HS3ST4: variants seen among roughly 807,000 people sequenced by gnomAD.
HS3ST4 encodes the protein heparan sulfate-glucosamine 3-sulfotransferase 4, also known as heparan sulfate glucosamine 3-O-sulfotransferase 4.
Under a neutral mutation model 29.2 loss-of-function variants are expected in HS3ST4, and 17 were observed. The observed-to-expected ratio is 0.58, with a 90% CI of 0.40 to 0.87. HS3ST4 has a LOEUF of 0.87. Ranked by LOEUF, HS3ST4 falls within the 40% of genes least tolerant of loss-of-function variation. HS3ST4 has a pLI of 0.00. For synonymous variants in HS3ST4, 314 were observed against 285.7 expected, an observed-to-expected ratio of 1.10 and a Z score of -1.00; for missense variants, 627 against 634.5, an observed-to-expected ratio of 0.99 and a Z score of 0.13.
chr16:25,782,208 C>A (rs140791293), intron 1 of HS3ST4, among the ~76,000 whole-genome samples: 2 of 152,134 alleles, frequency 1.3e-5, no homozygotes, highest in Non-Finnish European at 2.9e-5. Flanking sequence ...CATGGGAAAC[C>A]GCCCCCATAA....
At chr16:25,878,428 T>G (rs184525236) in intron 1 of HS3ST4, among the ~76,000 whole-genome samples, 3 of 152,310 alleles carry the variant, frequency 2.0e-5, no homozygotes, top group Admixed American at 6.5e-5. Flanking sequence ...TGCTAGTATC[T>G]ATCAGAATGG....
intron 1 of HS3ST4, among the ~76,000 whole-genome samples, chr16:25,903,609 A>G (rs1193049109): frequency 6.6e-6 from 1 of 152,066 alleles, no homozygotes; most frequent in East Asian, 1.9e-4. Context: ...GATTGAGCAT[A>G]CTTGTCCACA....
chr16:25,811,691 C>G (rs962210705), intron 1 of HS3ST4, among the ~76,000 whole-genome samples: 1 of 152,248 alleles, frequency 6.6e-6, no homozygotes, highest in Admixed American at 6.5e-5. Flanking sequence ...CCTCGGCCTC[C>G]CAAAGTGCTG....
At chr16:25,758,017 C>A (rs1419853972) in intron 1 of HS3ST4, among the ~76,000 whole-genome samples, 2 of 152,080 alleles carry the variant, frequency 1.3e-5, no homozygotes, top group South Asian at 4.2e-4. Flanking sequence ...CTGCCTCTCT[C>A]CAGAGCCCCC....
chr16:25,834,184 A>C (rs1197817014), intron 1 of HS3ST4, among the ~76,000 whole-genome samples: 1 of 152,238 alleles, frequency 6.6e-6, no homozygotes, highest in African/African-American at 2.4e-5. Flanking sequence ...AATATAGCTT[A>C]CAGCAATGGT....
intron 1 of HS3ST4, among the ~76,000 whole-genome samples, chr16:25,988,878 A>C (rs1026334143): frequency 6.6e-6 from 1 of 151,946 alleles, no homozygotes; most frequent in South Asian, 2.2e-4. Context: ...AAAAAAAAAC[A>C]AAACTCAAAA....
chr16:26,102,412 G>A (rs1230088753), intron 1 of HS3ST4, among the ~76,000 whole-genome samples: 1 of 152,088 alleles, frequency 6.6e-6, no homozygotes, highest in Non-Finnish European at 1.5e-5. Context: ...CTGCTGTAAG[G>A]AAATGTCTCT....
chr16:26,014,875 G>A (rs1969348255), intron 1 of HS3ST4, among the ~76,000 whole-genome samples: 2 of 152,152 alleles, frequency 1.3e-5, no homozygotes, highest in Non-Finnish European at 1.5e-5. Flanking sequence ...TTGAACTCAT[G>A]ATTGAGAGGT....
intron 1 of HS3ST4, among the ~76,000 whole-genome samples, chr16:25,947,486 G>A (rs114886202): frequency 0.043 from 6,512 of 152,124 alleles, 454 homozygotes; most frequent in African/African-American, 0.15. Context: ...TGTGGACTGC[G>A]TTCAGGTCTC....
At chr16:26,016,311 A>C (rs1969361998) in intron 1 of HS3ST4, among the ~76,000 whole-genome samples, 1 of 152,214 alleles carries the variant, frequency 6.6e-6, no homozygotes, top group South Asian at 2.1e-4. Flanking sequence ...TCTAGGTCAG[A>C]GTAACTCATA....
intron 1 of HS3ST4, among the ~76,000 whole-genome samples, chr16:25,943,184 C>T (rs1968590652): frequency 6.6e-6 from 1 of 152,126 alleles, no homozygotes; most frequent in African/African-American, 2.4e-5. Flanking sequence ...TCTTAAGCAT[C>T]TGGGGCATGG....
intron 1 of HS3ST4, among the ~76,000 whole-genome samples, chr16:26,036,446 T>G (rs543292939): frequency 6.6e-6 from 1 of 152,350 alleles, no homozygotes; most frequent in East Asian, 1.9e-4. Context: ...CTTGATTGTT[T>G]GTCTTGCCTG....
At chr16:25,997,634 C>A (rs1462707593) in intron 1 of HS3ST4, among the ~76,000 whole-genome samples, 1 of 152,150 alleles carries the variant, frequency 6.6e-6, no homozygotes, top group Non-Finnish European at 1.5e-5. Flanking sequence ...GCAACCTCAG[C>A]AGAAAGTGTT....
chr16:25,995,015 A>G (rs1015871240), intron 1 of HS3ST4, among the ~76,000 whole-genome samples: 1 of 152,174 alleles, frequency 6.6e-6, no homozygotes, highest in Admixed American at 6.5e-5. Flanking sequence ...ACTTATTTCC[A>G]TCAATGTCCC....
At chr16:26,016,708 A>T (rs1969365315) in intron 1 of HS3ST4, among the ~76,000 whole-genome samples, 1 of 152,210 alleles carries the variant, frequency 6.6e-6, no homozygotes, top group Middle Eastern at 3.4e-3. Flanking sequence ...TATGCAAATA[A>T]TTTTTCTCAG....
chr16:26,048,364 C>T lies in HS3ST4; in HGVS notation c.735-87248C>T, dbSNP rs545508957. ...GGCAACATGAGAAAGGATAGATTGT[C>T]GACCATATAGCACAACTCTTGGAAT... is the stretch of plus-strand genomic sequence containing the variant. On this transcript the variant is annotated intron_variant, in intron 1 of 1. Transcript: ENST00000331351. Among the ~76,000 whole-genome samples the T allele has an allele frequency of 8.5e-5, 13 of 152,298 alleles. No individual in the cohort carries two copies. In the East Asian group the frequency reaches 1.7e-3, roughly 20 times the overall value.
intron 1 of HS3ST4, among the ~76,000 whole-genome samples, chr16:26,104,431 C>T (rs1317125406): frequency 6.6e-6 from 1 of 152,064 alleles, no homozygotes; most frequent in African/African-American, 2.4e-5. Context: ...TCTTCTTCCT[C>T]TAGTAAGTGA....
rs151183476 is a variant in HS3ST4 at position 25,914,012 on chromosome 16, T to G, written c.734+220861T>G. 3.1e-3 allele frequency among the ~76,000 whole-genome samples: 455 copies of G among 148,824 alleles called. 1 individual carries two copies. Among genetic ancestry groups the G allele is most frequent in the Middle Eastern group, 0.018 (5 of 282 alleles). On this transcript the variant is annotated intron_variant, in intron 1 of 1. Coordinates refer to ENST00000331351, the MANE Select transcript of HS3ST4 (RefSeq NM_006040.3). ...GTGTGCAGGGAGGTGTATGTGTGTGTATGTGGATGTGGAGGGAGCATGTGT... is the reference window on the plus strand; with the variant it reads ...GTGTGCAGGGAGGTGTATGTGTGTGGATGTGGATGTGGAGGGAGCATGTGT...
intron 1 of HS3ST4, among the ~76,000 whole-genome samples, chr16:25,717,157 C>G (rs1485168908): frequency 1.3e-5 from 2 of 152,172 alleles, no homozygotes; most frequent in Non-Finnish European, 1.5e-5. Flanking sequence ...TTAGATTTGG[C>G]TCCAGAATCT....
Sources: allele counts gnomAD v4.1 joint callset (sites outside exome capture counted in the v4.1 genomes callset), GRCh38; gene constraint gnomAD v4.1.1; transcripts MANE v1.5; gene names NCBI Gene and HGNC (gene_info 2026-07-23, HGNC 2026-07-21).